SHTN1: variants seen among roughly 807,000 people sequenced by gnomAD.
SHTN1 encodes the protein shootin-1.
SHTN1 carries 42 observed loss-of-function variants against 83.1 expected under a neutral mutation model. The observed-to-expected ratio is 0.51, with a 90% confidence interval of 0.39 to 0.65. The LOEUF is 0.65. Among genes scored for constraint, SHTN1 ranks in the 30% least tolerant of loss-of-function variants. The probability of loss-of-function intolerance (pLI) is 0.00; values close to 1 mark genes in which losing one functional copy is unlikely to be tolerated. For missense variants in SHTN1, 622 were observed against 737.8 expected, an observed-to-expected ratio of 0.84 and a Z score of 1.82; for synonymous variants, 224 against 247.7, an observed-to-expected ratio of 0.90 and a Z score of 0.90.
chr10:117,046,667 C>T (rs1344924625), intron 2 of SHTN1, among the ~76,000 whole-genome samples: 1 of 152,168 alleles, frequency 6.6e-6, no homozygotes, highest in African/African-American at 2.4e-5. Flanking sequence ...TATATCCATA[C>T]AGTGAAATAA....
At chr10:116,979,222 G>C (rs1383989396) in intron 2 of SHTN1, 34 bp downstream of exon 2, 2 of 1,583,666 alleles carry the variant, frequency 1.3e-6, no homozygotes. Flanking sequence ...TTTTACACAT[G>C]TAAGAAAGGG....
chr10:116,885,719 T>C lies in SHTN1; in HGVS notation c.*625A>G, dbSNP rs1036953784. On this transcript the variant is annotated 3_prime_UTR_variant, in exon 17 of 17. Coordinates refer to ENST00000355371, the MANE Select transcript of SHTN1 (RefSeq NM_001127211.3). ...TCCCCACGGAGGTCCTCGGGAGGCT[T>C]TGGACACAATCAATAGCATGTATTT... The C allele has an allele frequency of 3.9e-5, 6 of 152,450 alleles. No individual in the cohort carries two copies. The highest frequency in any genetic ancestry group is 9.6e-5 in the African/African-American group (4 of 41,460). 9.4% of individuals were successfully genotyped at this position (152,450 alleles called of 1,614,324 possible).
At chr10:117,038,244 G>A (rs939088475) in intron 2 of SHTN1, among the ~76,000 whole-genome samples, 6 of 151,558 alleles carry the variant, frequency 4.0e-5, no homozygotes, top group Admixed American at 6.6e-5. Context: ...GGGCTCAAGC[G>A]ATCCTCCCAC....
rs1453739343 is a variant in SHTN1, at chr10:116,952,056, AG to A, written c.437-51del. On this transcript the variant is annotated intron_variant, in intron 5 of 16. Coordinates refer to ENST00000355371, the MANE Select transcript of SHTN1 (RefSeq NM_001127211.3). ...TATAAATAAACTTATTTTTAAAATA[AG>A]AAATCAATCTGGTCAAAAGAATTGA... 4.1e-6 allele frequency: 4 copies of A among 968,830 alleles called. No individual in the cohort carries two copies. In the Admixed American group the frequency reaches 1.2e-4, roughly 30 times the overall value. The allele number at this position is 968,830 out of a possible 1,614,324, so 60.0% of individuals were successfully genotyped here. A position where few individuals can be genotyped will look rare whatever the true frequency, so the allele number is the denominator to read the frequency against.
intron 1 of SHTN1, among the ~76,000 whole-genome samples, chr10:117,100,657 G>T (rs1490593568): frequency 3.3e-5 from 5 of 152,124 alleles, no homozygotes; most frequent in African/African-American, 9.7e-5. Context: ...AGGCTGAAAG[G>T]TTACACTGTG....
At chr10:117,034,761 A>G (rs1331118181) in intron 2 of SHTN1, among the ~76,000 whole-genome samples, 1 of 152,210 alleles carries the variant, frequency 6.6e-6, no homozygotes, top group Non-Finnish European at 1.5e-5. Flanking sequence ...TTAAATATCT[A>G]GGAATTAACC....
intron 1 of SHTN1, among the ~76,000 whole-genome samples, chr10:116,997,428 T>C (rs781672865): frequency 9.8e-5 from 15 of 152,326 alleles, no homozygotes; most frequent in Admixed American, 2.0e-4. Context: ...GAGGGACAGA[T>C]TATTTTTTCT....
At chr10:116,889,164 C>A (rs917699538) in intron 16 of SHTN1, among the ~76,000 whole-genome samples, 3 of 152,176 alleles carry the variant, frequency 2.0e-5, no homozygotes, top group African/African-American at 7.2e-5. Flanking sequence ...AGGGGTGGTG[C>A]ACAGATCCTA....
chr10:117,054,631 T>A (rs1439901019), intron 1 of SHTN1, among the ~76,000 whole-genome samples: 1 of 151,926 alleles, frequency 6.6e-6, no homozygotes, highest in East Asian at 1.9e-4. Context: ...ATGGTCTCGA[T>A]CTCTTGACCT....
chr10:117,015,596 G>C (rs774556117), intron 2 of SHTN1, among the ~76,000 whole-genome samples: 4 of 152,182 alleles, frequency 2.6e-5, no homozygotes, highest in African/African-American at 7.2e-5. Flanking sequence ...CTCCCAAAGT[G>C]CTGGGATTAC....
At chr10:117,075,432 C>T (rs966471987) in intron 1 of SHTN1, among the ~76,000 whole-genome samples, 7 of 152,140 alleles carry the variant, frequency 4.6e-5, no homozygotes, top group Admixed American at 1.3e-4. Context: ...AAATAAATAC[C>T]GGGCAAATTC....
At chr10:117,085,271 C>G (rs1853334088) in intron 1 of SHTN1, among the ~76,000 whole-genome samples, 1 of 152,122 alleles carries the variant, frequency 6.6e-6, no homozygotes, top group African/African-American at 2.4e-5. Flanking sequence ...CTCATATATG[C>G]ACTCAATGCT....
intron 2 of SHTN1, 80 bp downstream of exon 2, chr10:116,979,176 A>C: frequency 8.7e-7 from 1 of 1,155,060 alleles, no homozygotes; most frequent in Non-Finnish European, 1.3e-6. Context: ...ATTTAACTGA[A>C]ATTGGTGACT....
chr10:117,123,769 C>T (rs374966403), intron 1 of SHTN1, among the ~76,000 whole-genome samples: 6 of 151,236 alleles, frequency 4.0e-5, no homozygotes, highest in East Asian at 2.0e-4. Flanking sequence ...ATCAGCTGGG[C>T]GTAGTGGTGC....
intron 2 of SHTN1, among the ~76,000 whole-genome samples, chr10:117,011,033 C>A (rs542297195): frequency 6.6e-6 from 1 of 152,278 alleles, no homozygotes; most frequent in South Asian, 2.1e-4. Flanking sequence ...TATGTGCTTT[C>A]ATCACTGCTA....
intron 1 of SHTN1, 118 bp downstream of exon 1, chr10:117,004,904 G>A (rs1851957510): frequency 1.2e-6 from 1 of 837,492 alleles, no homozygotes; most frequent in Non-Finnish European, 1.8e-6. Flanking sequence ...CTACTGCGGT[G>A]ACCACGGCGG....
chr10:117,105,815 C>T (rs766953247), intron 1 of SHTN1, among the ~76,000 whole-genome samples: 7 of 152,084 alleles, frequency 4.6e-5, no homozygotes, highest in East Asian at 1.9e-4. Flanking sequence ...CACAGGAGTT[C>T]GAGACAGGCC....
At chr10:117,005,227 G>A (rs1278591079), upstream of SHTN1, 1 of 1,499,316 alleles carries the variant, frequency 6.7e-7, no homozygotes, top group African/African-American at 1.4e-5. Flanking sequence ...TCCTGGCGCG[G>A]AGCGCGCGAG....
At chr10:117,068,132 C>G (rs906195153) in intron 1 of SHTN1, among the ~76,000 whole-genome samples, 2 of 152,174 alleles carry the variant, frequency 1.3e-5, no homozygotes, top group African/African-American at 4.8e-5. Flanking sequence ...TGGCTCACGT[C>G]TGTAATCCCA....
Sources: gnomAD v4.1 joint callset for allele counts (sites outside exome capture counted in the v4.1 genomes callset) on GRCh38, gnomAD v4.1.1 for gene constraint, MANE v1.5 for transcripts, NCBI Gene and HGNC (gene_info 2026-07-23, HGNC 2026-07-21) for gene names.